Variants in PTPRD observed in about 807,000 individuals in gnomAD.
PTPRD encodes the protein protein tyrosine phosphatase receptor type D.
PTPRD carries 34 observed loss-of-function variants against 214.5 expected under a neutral mutation model. The ratio of observed to expected loss-of-function variants is 0.16; its 90% CI spans 0.12 to 0.21. The LOEUF (loss-of-function observed/expected upper bound fraction) is 0.21. Ranked by LOEUF, PTPRD falls within the 10% of genes least tolerant of loss-of-function variation. The pLI, the probability that PTPRD is intolerant of heterozygous loss-of-function variation, is 1.00. For synonymous variants in PTPRD, 1,128 were observed against 845.7 expected, an observed-to-expected ratio of 1.33 and a Z score of -5.79; for missense variants, 2,545 against 2,398.7, an observed-to-expected ratio of 1.06 and a Z score of -1.27.
chr9:10,588,008 C>G (rs1172397432), intron 2 of PTPRD, among the ~76,000 whole-genome samples: 1 of 151,918 alleles, frequency 6.6e-6, no homozygotes, highest in African/African-American at 2.4e-5. Flanking sequence ...AAAGATAATT[C>G]CAGTACCAAG....
chr9:8,400,482 GATAGGAA>G (rs2092195889), intron 36 of PTPRD, among the ~76,000 whole-genome samples: 1 of 152,194 alleles, frequency 6.6e-6, no homozygotes, highest in Non-Finnish European at 1.5e-5. Context: ...TAGGAAATGA[GATAGGAA>G]ATAGGAAATG....
At chr9:8,875,836 A>G (rs2098383418) in intron 11 of PTPRD, among the ~76,000 whole-genome samples, 1 of 152,098 alleles carries the variant, frequency 6.6e-6, no homozygotes, top group Non-Finnish European at 1.5e-5. Context: ...CATATGCCTT[A>G]ACTTCTCTGA....
intron 3 of PTPRD, among the ~76,000 whole-genome samples, chr9:10,119,819 G>A (rs1481172379): frequency 6.6e-6 from 1 of 152,008 alleles, no homozygotes; most frequent in Non-Finnish European, 1.5e-5. Context: ...GTACAGAGTT[G>A]TAACATAGCT....
chr9:9,229,696 C>CA lies in PTPRD; in HGVS notation c.-202-46334dup, dbSNP rs541640221. On this transcript the variant is annotated intron_variant, in intron 9 of 45. Transcript: ENST00000381196. ...CTTAGGAGAGACAAAGCTGGGCTGA[C>CA]AAAAAAATACATTTGTGGAACTAGT... Among the ~76,000 whole-genome samples the CA allele has an allele frequency of 1.1e-3, 172 of 151,884 alleles. 1 individual carries two copies. Among genetic ancestry groups the CA allele is most frequent in the African/African-American group, 4.0e-3 (165 of 41,450 alleles).
chr9:8,788,956 C>A (rs1037563384), intron 11 of PTPRD, among the ~76,000 whole-genome samples: 1 of 152,122 alleles, frequency 6.6e-6, no homozygotes, highest in Non-Finnish European at 1.5e-5. Flanking sequence ...CATTACTTTA[C>A]ATAAAAATAA....
At chr9:9,143,134 C>T (rs749065540) in intron 10 of PTPRD, among the ~76,000 whole-genome samples, 5 of 152,170 alleles carry the variant, frequency 3.3e-5, no homozygotes, top group Non-Finnish European at 7.3e-5. Context: ...AAATAGACTG[C>T]TTACTAAATT....
chr9:10,269,646 T>C (rs2094306746), intron 3 of PTPRD, among the ~76,000 whole-genome samples: 1 of 152,156 alleles, frequency 6.6e-6, no homozygotes, highest in Non-Finnish European at 1.5e-5. Flanking sequence ...CAGAGTGCTG[T>C]CTTGTAGAAA....
intron 5 of PTPRD, among the ~76,000 whole-genome samples, chr9:9,845,865 T>C (rs1323790): frequency 0.5 from 75,272 of 151,866 alleles, 19,880 homozygotes; most frequent in Non-Finnish European, 0.61. Context: ...TTGTCAGTTA[T>C]GGAGCTATTC....
chr9:8,770,009 G>A (rs762119272), intron 11 of PTPRD, among the ~76,000 whole-genome samples: 7 of 152,122 alleles, frequency 4.6e-5, no homozygotes, highest in Admixed American at 6.5e-5. Context: ...GGTCAGGCAC[G>A]GTGGCTCATG....
rs147696138 is a variant in PTPRD, at chr9:8,518,188, C to T, written c.1203G>A (p.Arg401=). The change falls in exon 21 of 46, where the codon CGG becomes CGA. Residue 401 remains arginine (R), a synonymous_variant. Transcript: ENST00000381196. ...TTAGCACAGGTTCGCTGGGAGGCCC[C>T]CGCCCAATGTTATTGACAGCAACAA... The part of the protein sequence containing the change: ...FRVVAVNNIG[R]GPPSEPVLTQ... The T allele has an allele frequency of 1.3e-4, 205 of 1,614,132 alleles. 1 individual carries two copies. In the African/African-American group the frequency reaches 2.4e-3, roughly 19 times the overall value.
chr9:9,432,052 TA>T (rs997444769), intron 8 of PTPRD, among the ~76,000 whole-genome samples: 2 of 89,258 alleles, frequency 2.2e-5, no homozygotes, highest in Admixed American at 1.1e-4. Flanking sequence ...TAAAGTATAA[TA>T]ATAATAATAA....
intron 4 of PTPRD, among the ~76,000 whole-genome samples, chr9:9,998,359 G>A (rs1039016101): frequency 6.6e-6 from 1 of 151,272 alleles, no homozygotes; most frequent in African/African-American, 2.4e-5. Context: ...AGCCCCAGGT[G>A]ATTCTGGAAA....
rs75737334 is a variant in PTPRD, at chr9:10,002,777, T to C, written c.-472+30941A>G. The stretch of plus-strand genomic sequence containing the variant: ...ACTTCACTTTCAATAATAGATAAAA[T>C]GAAAAAGTAGATGATAAAAAAAAAA... On this transcript the variant is annotated intron_variant, in intron 4 of 45. Transcript: ENST00000381196. Among the ~76,000 whole-genome samples the C allele has an allele frequency of 7.7e-3, 1,131 of 147,426 alleles. 13 individuals carry two copies. The highest frequency in any genetic ancestry group is 0.011 in the Non-Finnish European group (749 of 66,442).
intron 3 of PTPRD, among the ~76,000 whole-genome samples, chr9:10,044,429 G>A (rs552479369): frequency 1.3e-5 from 2 of 151,676 alleles, no homozygotes; most frequent in East Asian, 1.9e-4. Flanking sequence ...GTAAAAATTG[G>A]ATCAGACTTA....
intron 9 of PTPRD, among the ~76,000 whole-genome samples, chr9:9,283,882 G>C (rs1218856243): frequency 6.6e-6 from 1 of 151,400 alleles, no homozygotes; most frequent in Non-Finnish European, 1.5e-5. Flanking sequence ...CTTACGCAGA[G>C]GAAAACTAAT....
intron 2 of PTPRD, among the ~76,000 whole-genome samples, chr9:10,564,011 C>G (rs568020724): frequency 1.3e-5 from 2 of 151,056 alleles, no homozygotes; most frequent in African/African-American, 2.4e-5. Context: ...CTCTTTTTTT[C>G]TCTCTCTCTT....
At chr9:8,745,901 T>A (rs1187000871) in intron 11 of PTPRD, among the ~76,000 whole-genome samples, 1 of 152,052 alleles carries the variant, frequency 6.6e-6, no homozygotes, top group East Asian at 1.9e-4. Context: ...GGGCTCAAGC[T>A]ATCCTCCCGC....
At chr9:8,355,920 A>C (rs2076879602) in intron 39 of PTPRD, among the ~76,000 whole-genome samples, 1 of 152,190 alleles carries the variant, frequency 6.6e-6, no homozygotes, top group Admixed American at 6.5e-5. Context: ...TTTTATATGT[A>C]AATACAGACA....
Position 10,151,256 on chromosome 9 carries a change from C to CTT in PTPRD, c.-544-117468_-544-117467dup, listed in dbSNP as rs71321228. On this transcript the variant is annotated intron_variant, in intron 3 of 45. Coordinates refer to ENST00000381196, the MANE Select transcript of PTPRD (RefSeq NM_002839.4). The stretch of plus-strand genomic sequence containing the variant: ...TTGTATTTCTAGACTTTTTTGTTAA[C>CTT]TTTTTTTTTTTTTTTTTTTTTTTTG... Among the ~76,000 whole-genome samples the CTT allele has an allele frequency of 2.5e-3, 31 of 12,378 alleles. 5 individuals are homozygous for CTT. The highest frequency in any genetic ancestry group is 0.013 in the South Asian group (4 of 302). 8.1% of individuals were successfully genotyped at this position (12,378 alleles called of 152,430 possible).
Sources: gnomAD v4.1 joint callset for allele counts (sites outside exome capture counted in the v4.1 genomes callset) on GRCh38, gnomAD v4.1.1 for gene constraint, MANE v1.5 for transcripts, NCBI Gene and HGNC (gene_info 2026-07-23, HGNC 2026-07-21) for gene names.